The following TMED10 variants were observed in gnomAD, a reference collection of about 807,000 sequenced individuals.
TMED10 encodes the protein transmembrane emp24 domain-containing protein 10.
Under a neutral mutation model 23.1 loss-of-function variants are expected in TMED10, and 7 were observed. The observed-to-expected ratio is 0.30, with a 90% CI of 0.17 to 0.57. The LOEUF is 0.57. Ranked by LOEUF, TMED10 falls within the 20% of genes least tolerant of loss-of-function variation. The pLI is 0.91. For synonymous variants in TMED10, 113 were observed against 106.9 expected, an observed-to-expected ratio of 1.06 and a Z score of -0.35; for missense variants, 162 against 274.8, an observed-to-expected ratio of 0.59 and a Z score of 2.90.
In TMED10 at chr14:75,176,339, T is replaced by A. The variant is rs767386166; in HGVS notation, c.225+16A>T. 6.2e-7 allele frequency: 1 copy of A among 1,613,394 alleles called. No individual in the cohort carries two copies. The highest frequency in any genetic ancestry group is 8.5e-7 in the Non-Finnish European group (1 of 1,179,576). On this transcript the variant is annotated intron_variant, in intron 1 of 4. Transcript: ENST00000303575. ...TGCCGTCTTCCCTCCCGGCCCCACG[T>A]CGCCCAATGCCGCACCTTGAGGTGG...
intron 1 of TMED10, among the ~76,000 whole-genome samples, chr14:75,175,356 C>A (rs1474137381): frequency 6.6e-6 from 1 of 152,128 alleles, no homozygotes; most frequent in East Asian, 1.9e-4. Flanking sequence ...AGACTGAGAC[C>A]ATTTTGTAAC....
chr14:75,172,482 A>T (rs890716608), intron 1 of TMED10, among the ~76,000 whole-genome samples: 11 of 151,684 alleles, frequency 7.3e-5, no homozygotes, highest in Admixed American at 3.9e-4. Flanking sequence ...ATTTTTTTTT[A>T]AATTTTTAGT....
chr14:75,135,016 A>C lies in TMED10; in HGVS notation c.539-10T>G, dbSNP rs377364533. 3 of 1,613,762 alleles carry C rather than the reference A, an allele frequency of 1.9e-6. No individual in the cohort carries two copies. The East Asian group carries it at 6.7e-5, about 36-fold the overall frequency. On this transcript the variant is annotated splice_polypyrimidine_tract_variant and intron_variant, in intron 4 of 4. Transcript: ENST00000303575. ...CGAGTGTTTGTTGACTCTAAAAAAA[A>C]ACAAAAGCATTGTAAACATAATGAA... is the stretch of plus-strand genomic sequence containing the variant.
At chr14:75,173,303 C>G (rs1476163918) in intron 1 of TMED10, among the ~76,000 whole-genome samples, 1 of 151,868 alleles carries the variant, frequency 6.6e-6, no homozygotes, top group Admixed American at 6.6e-5. Context: ...AGGAGGATCA[C>G]CTGGGCCCTG....
chr14:75,153,059 T>G (rs1594869473), intron 1 of TMED10, among the ~76,000 whole-genome samples: 1 of 152,116 alleles, frequency 6.6e-6, no homozygotes, highest in Middle Eastern at 3.4e-3. Flanking sequence ...GAGGCGGAGG[T>G]TGCAGTGAGC....
intron 1 of TMED10, among the ~76,000 whole-genome samples, chr14:75,166,327 T>A (rs1439817586): frequency 6.6e-6 from 1 of 152,214 alleles, no homozygotes; most frequent in African/African-American, 2.4e-5. Flanking sequence ...AGCTGGCTGA[T>A]TTCACAGAGG....
intron 1 of TMED10, among the ~76,000 whole-genome samples, chr14:75,154,134 G>T (rs2139845671): frequency 6.7e-6 from 1 of 148,642 alleles, no homozygotes; most frequent in South Asian, 2.2e-4. Flanking sequence ...TCACGCACCT[G>T]TAATCCCAGC....
intron 1 of TMED10, among the ~76,000 whole-genome samples, chr14:75,164,588 T>TGTA: frequency 1.2e-5 from 1 of 84,110 alleles, no homozygotes; most frequent in Non-Finnish European, 2.3e-5. Flanking sequence ...TTTTTTTTTT[T>TGTA]TTTTTTGTAT....
intron 1 of TMED10, among the ~76,000 whole-genome samples, chr14:75,171,907 T>C (rs909464075): frequency 3.3e-5 from 5 of 152,102 alleles, no homozygotes. Flanking sequence ...GACAGAAAGA[T>C]TAAACCTGAA....
chr14:75,157,123 C>A (rs990782226), intron 1 of TMED10, among the ~76,000 whole-genome samples: 1 of 152,042 alleles, frequency 6.6e-6, no homozygotes, highest in East Asian at 1.9e-4. Context: ...ACATTTCTAG[C>A]GGTACAACCT....
intron 1 of TMED10, among the ~76,000 whole-genome samples, chr14:75,172,244 T>C (rs972304768): frequency 6.6e-6 from 1 of 152,078 alleles, no homozygotes; most frequent in Non-Finnish European, 1.5e-5. Context: ...ACAAATTAAC[T>C]TTCAAAAGAT....
At chr14:75,153,478 G>T (rs1214488700) in intron 1 of TMED10, among the ~76,000 whole-genome samples, 1 of 152,138 alleles carries the variant, frequency 6.6e-6, no homozygotes, top group East Asian at 1.9e-4. Flanking sequence ...ACAAAGCAAG[G>T]GAATTCCATG....
rs143979632 is a variant in TMED10 at position 75,170,022 on chromosome 14, T to G, written c.225+6333A>C. ...GCGGGCGGATCATGAGGTCAGGGGA[T>G]TGAGACCATCCTGGCTAACACGGTG... On this transcript the variant is annotated intron_variant, in intron 1 of 4. Coordinates refer to ENST00000303575, the MANE Select transcript of TMED10 (RefSeq NM_006827.6). 8.6e-5 allele frequency among the ~76,000 whole-genome samples: 13 copies of G among 150,844 alleles called. No homozygotes were observed. The East Asian group carries it at 2.5e-3, about 29-fold the overall frequency.
intron 1 of TMED10, among the ~76,000 whole-genome samples, chr14:75,167,537 G>A (rs1322941655): frequency 1.3e-5 from 2 of 151,476 alleles, no homozygotes; most frequent in Non-Finnish European, 2.9e-5. Flanking sequence ...GAAAAAAGAA[G>A]TTATAAGCCA....
chr14:75,145,082 A>C (rs1353650655), intron 3 of TMED10, among the ~76,000 whole-genome samples: 2 of 152,194 alleles, frequency 1.3e-5, no homozygotes, highest in Non-Finnish European at 2.9e-5. Flanking sequence ...GCTGGGGAGC[A>C]GGGGTGAAGG....
rs1204372673 is a variant in TMED10, at chr14:75,164,555, ATATATATATATATATATATATATTTTT to A, written c.225+11773_225+11799del. ...CTAATATATATATATATATATATATATATATATATATATATATATATATTTTTTTTTTTTTTTTTGTATTTTTAGAAG... is the reference window on the plus strand; with the variant it reads ...CTAATATATATATATATATATATATATTTTTTTTTTTTGTATTTTTAGAAG... On this transcript the variant is annotated intron_variant, in intron 1 of 4. Transcript: ENST00000303575. 8.5e-3 allele frequency among the ~76,000 whole-genome samples: 106 copies of A among 12,426 alleles called. 4 individuals are homozygous for A. Among genetic ancestry groups the A allele is most frequent in the Middle Eastern group, 0.036 (1 of 28 alleles). The allele number at this position is 12,426 out of a possible 152,430, so 8.2% of individuals were successfully genotyped here. A position where few individuals can be genotyped will look rare whatever the true frequency, so the allele number is the denominator to read the frequency against.
intron 1 of TMED10, among the ~76,000 whole-genome samples, chr14:75,152,894 T>A (rs555408923): frequency 6.6e-6 from 1 of 151,944 alleles, no homozygotes; most frequent in Non-Finnish European, 1.5e-5. Context: ...CCGAGGCGGA[T>A]GGATCACGAG....
intron 1 of TMED10, among the ~76,000 whole-genome samples, chr14:75,162,933 C>T (rs1896101690): frequency 6.6e-6 from 1 of 152,054 alleles, no homozygotes; most frequent in South Asian, 2.1e-4. Context: ...TGGCCAGGGT[C>T]CTCAAAACTC....
intron 2 of TMED10, among the ~76,000 whole-genome samples, chr14:75,150,262 C>T (rs1184274507): frequency 6.6e-6 from 1 of 152,162 alleles, no homozygotes; most frequent in Non-Finnish European, 1.5e-5. Context: ...CAAAACAAAA[C>T]AAAATGTGGC....
Sources: allele counts gnomAD v4.1 joint callset (sites outside exome capture counted in the v4.1 genomes callset), GRCh38; gene constraint gnomAD v4.1.1; transcripts MANE v1.5; gene names NCBI Gene and HGNC (gene_info 2026-07-23, HGNC 2026-07-21).